ZNF730: variants seen among roughly 807,000 people sequenced by gnomAD.
ZNF730 encodes zinc finger protein 730.
ZNF730 carries 12 observed loss-of-function variants against 12.6 expected under a neutral mutation model. The ratio of observed to expected loss-of-function variants is 0.95; its 90% CI spans 0.61 to 1.54. ZNF730 has a LOEUF of 1.54. Among genes scored for constraint, ZNF730 ranks in the 40% most tolerant of loss-of-function variants. ZNF730 has a pLI of 0.00. For missense variants in ZNF730, 643 were observed against 583.5 expected (o/e 1.10, Z -1.05); for synonymous variants, 194 against 195.8 (o/e 0.99, Z 0.08).
At chr19:23,087,956 G>A (rs1970093430) in intron 1 of ZNF730, among the ~76,000 whole-genome samples, 1 of 151,750 alleles carries the variant, frequency 6.6e-6, no homozygotes, top group African/African-American at 2.4e-5. Context: ...ACCCGGACCA[G>A]AAGTTCCAAT....
intron 3 of ZNF730, among the ~76,000 whole-genome samples, chr19:23,139,407 C>T (rs1284995483): frequency 2.0e-5 from 3 of 152,130 alleles, no homozygotes; most frequent in East Asian, 3.9e-4. Context: ...AATTATACTG[C>T]ATTTTATCTG....
chr19:23,127,178 C>T, intron 1 of ZNF730: 1 of 554,826 alleles, frequency 1.8e-6, no homozygotes, highest in Non-Finnish European at 3.5e-6. Flanking sequence ...AAGAAATTAT[C>T]TACATCCTTT....
chr19:23,104,301 C>CA (rs56332917), intron 1 of ZNF730, among the ~76,000 whole-genome samples: 4,074 of 95,770 alleles, frequency 0.043, 107 homozygotes, highest in East Asian at 0.064. Context: ...GACTCCATCT[C>CA]AAAAAAAAAA....
Position 23,134,694 on chromosome 19 carries a change from C to A in ZNF730, c.130+488C>A, listed in dbSNP as rs1336386955. Among the ~76,000 whole-genome samples, 3 of 144,220 alleles carry A rather than the reference C, an allele frequency of 2.1e-5. 1 individual carries two copies. Among genetic ancestry groups the A allele is most frequent in the African/African-American group, 5.1e-5 (2 of 39,166 alleles). The allele number at this position is 144,220 out of a possible 152,430, so 94.6% of individuals were successfully genotyped here. ...CCCTACTGGGAAGTGAGGAGCCCCT[C>A]TGCCCGGCCACGACCCCGTCTGGGA... is the stretch of plus-strand genomic sequence containing the variant. On this transcript the variant is annotated intron_variant, in intron 2 of 3. Coordinates refer to ENST00000597761, the MANE Select transcript of ZNF730 (RefSeq NM_001277403.2).
In ZNF730 at chr19:23,075,824, C is replaced by T. The variant is rs142943350; in HGVS notation, c.-94+437C>T. On this transcript the variant is annotated intron_variant, in intron 1 of 2. Coordinates refer to the ZNF730 transcript ENST00000593635. Reference sequence around the variant, plus strand: ...GTGTGACCTCGGTTTCTGTAAGCTCCGTCTCCCAGGGTCAAGCCTCCCAAA... The same window carrying T: ...GTGTGACCTCGGTTTCTGTAAGCTCTGTCTCCCAGGGTCAAGCCTCCCAAA... 7.0e-4 allele frequency among the ~76,000 whole-genome samples: 107 copies of T among 152,004 alleles called. 1 individual carries two copies. Among genetic ancestry groups the T allele is most frequent in the African/African-American group, 2.3e-3 (95 of 41,460 alleles).
chr19:23,126,814 T>C (rs1970676843), intron 1 of ZNF730: 1 of 539,082 alleles, frequency 1.9e-6, no homozygotes, highest in Non-Finnish European at 3.7e-6. Context: ...GCTCTTGCTT[T>C]ATCCAGTGCT....
intron 1 of ZNF730, among the ~76,000 whole-genome samples, chr19:23,079,275 A>G (rs554668895): frequency 6.6e-6 from 1 of 152,236 alleles, no homozygotes; most frequent in African/African-American, 2.4e-5. Flanking sequence ...CTCCTGCCTC[A>G]GCCCCCTCAG....
chr19:23,097,476 C>T (rs139930740), intron 1 of ZNF730, among the ~76,000 whole-genome samples: 2 of 152,224 alleles, frequency 1.3e-5, no homozygotes, highest in Non-Finnish European at 2.9e-5. Context: ...ATTGCTGGGC[C>T]CAACACCAAG....
chr19:23,108,159 C>T (rs1970416901), intron 1 of ZNF730, among the ~76,000 whole-genome samples: 1 of 152,152 alleles, frequency 6.6e-6, no homozygotes, highest in Non-Finnish European at 1.5e-5. Flanking sequence ...AAATAATTTA[C>T]AATTAGGTCA....
chr19:23,099,088 AC>A (rs1970297498), intron 1 of ZNF730, among the ~76,000 whole-genome samples: 2 of 152,174 alleles, frequency 1.3e-5, no homozygotes, highest in South Asian at 4.1e-4. Flanking sequence ...CCACTATCAC[AC>A]AGGGACAGAA....
intron 1 of ZNF730, among the ~76,000 whole-genome samples, chr19:23,085,496 CTTTTTTTT>C (rs58871710): frequency 1.2e-3 from 63 of 52,792 alleles, no homozygotes; most frequent in African/African-American, 1.6e-3. Context: ...CCATGCCCGT[CTTTTTTTT>C]TTTTTTTTTT....
chr19:23,101,338 A>G (rs1041574259), intron 1 of ZNF730, among the ~76,000 whole-genome samples: 7 of 152,246 alleles, frequency 4.6e-5, no homozygotes, highest in African/African-American at 1.7e-4. Flanking sequence ...TTCAGCACAC[A>G]TAAGAGTCTG....
At chr19:23,127,958 G>A (rs923988620) in intron 1 of ZNF730, 6 of 721,494 alleles carry the variant, frequency 8.3e-6, no homozygotes, top group South Asian at 2.9e-5. Context: ...TATTGTACTG[G>A]CCTGCTGCTG....
intron 1 of ZNF730, chr19:23,127,853 C>A: frequency 1.5e-6 from 1 of 660,568 alleles, no homozygotes; most frequent in Non-Finnish European, 2.7e-6. Flanking sequence ...ATTGCTTATA[C>A]CCGTATAGAA....
chr19:23,109,044 A>C (rs2145567189), intron 1 of ZNF730, among the ~76,000 whole-genome samples: 1 of 149,456 alleles, frequency 6.7e-6, no homozygotes, highest in Middle Eastern at 3.5e-3. Flanking sequence ...GAGCCACAGC[A>C]CCCAGCCAAA....
chr19:23,096,578 T>C (rs915952307), intron 1 of ZNF730, among the ~76,000 whole-genome samples: 1 of 152,190 alleles, frequency 6.6e-6, no homozygotes, highest in Admixed American at 6.5e-5. Context: ...TTGTTACATA[T>C]AGCTGGGCGC....
chr19:23,114,670 A>T (rs1263844128), upstream of ZNF730, among the ~76,000 whole-genome samples: 1 of 152,066 alleles, frequency 6.6e-6, no homozygotes, highest in Non-Finnish European at 1.5e-5. Flanking sequence ...TTTTTCTTTT[A>T]GAAGTTTTCA....
At chr19:23,122,062 C>G (rs377561777) in intron 1 of ZNF730, among the ~76,000 whole-genome samples, 27 of 147,226 alleles carry the variant, frequency 1.8e-4, no homozygotes, top group African/African-American at 6.0e-4. Context: ...TTTGCTTTGG[C>G]AAAGGTTTTT....
intron 1 of ZNF730, among the ~76,000 whole-genome samples, chr19:23,079,007 C>T (rs1384623114): frequency 1.3e-5 from 2 of 151,928 alleles, no homozygotes; most frequent in East Asian, 1.9e-4. Flanking sequence ...GATTTCACCA[C>T]GTTGGCCAGG....
Sources: allele counts gnomAD v4.1 joint callset (sites outside exome capture counted in the v4.1 genomes callset), GRCh38; gene constraint gnomAD v4.1.1; transcripts MANE v1.5; gene names NCBI Gene and HGNC (gene_info 2026-07-23, HGNC 2026-07-21).